The following PLCH1 variants were observed in gnomAD, a reference collection of about 807,000 sequenced individuals.
PLCH1 encodes 1-phosphatidylinositol 4,5-bisphosphate phosphodiesterase eta-1.
In PLCH1, 60 loss-of-function variants were observed where a neutral mutation model predicts 126.7. That is an observed-to-expected ratio of 0.47 (90% confidence interval 0.38 to 0.59). The LOEUF is 0.59. PLCH1 is among the 20% of genes least tolerant of loss of function. The pLI is 0.00. For missense variants in PLCH1, 1,723 were observed against 2,040.0 expected (o/e 0.84, Z 2.99); for synonymous variants, 719 against 734.9 (o/e 0.98, Z 0.35).
intron 21 of PLCH1, among the ~76,000 whole-genome samples, chr3:155,460,020 C>G (rs1560028102): frequency 6.6e-6 from 1 of 152,106 alleles, no homozygotes; most frequent in Non-Finnish European, 1.5e-5. Flanking sequence ...GCCCAGCAAT[C>G]TGTGTTTTAA....
intron 10 of PLCH1, among the ~76,000 whole-genome samples, chr3:155,532,633 T>C (rs1456976889): frequency 6.6e-6 from 1 of 152,194 alleles, no homozygotes; most frequent in African/African-American, 2.4e-5. Flanking sequence ...TCACACTCAC[T>C]CTTCTCTCTC....
At chr3:155,738,477 C>A (rs572052277) in intron 1 of PLCH1, among the ~76,000 whole-genome samples, 1 of 151,888 alleles carries the variant, frequency 6.6e-6, no homozygotes, top group Non-Finnish European at 1.5e-5. Flanking sequence ...CCTGTCTCTA[C>A]AAAATTTCTT....
intron 21 of PLCH1, 101 bp from the exon 22 acceptor site, chr3:155,485,811 A>C: frequency 4.4e-6 from 3 of 687,334 alleles, no homozygotes; most frequent in Non-Finnish European, 7.3e-6. Context: ...ATAAACCAAA[A>C]TCGTACAGCC....
intron 6 of PLCH1, among the ~76,000 whole-genome samples, chr3:155,571,165 G>A (rs1577041400): frequency 6.6e-6 from 1 of 152,216 alleles, no homozygotes; most frequent in East Asian, 1.9e-4. Context: ...GTCAGAAGGG[G>A]TAAACAATTA....
chr3:155,654,528 T>C (rs1225923445), intron 2 of PLCH1, among the ~76,000 whole-genome samples: 3 of 152,096 alleles, frequency 2.0e-5, no homozygotes, highest in African/African-American at 7.2e-5. Context: ...ACATAAACCA[T>C]TTTCTTCCTC....
intron 2 of PLCH1, among the ~76,000 whole-genome samples, chr3:155,650,482 T>C (rs1408394692): frequency 6.6e-6 from 1 of 152,014 alleles, no homozygotes; most frequent in Non-Finnish European, 1.5e-5. Context: ...TCAAAGAAAA[T>C]GTTACTTGGG....
intron 12 of PLCH1, among the ~76,000 whole-genome samples, chr3:155,506,442 G>A (rs1017023465): frequency 1.9e-4 from 29 of 150,240 alleles, no homozygotes; most frequent in African/African-American, 5.9e-4. Context: ...ATGCTGGTGC[G>A]CTGCACCCAC....
At chr3:155,604,032 G>A (rs1734064591) in intron 2 of PLCH1, among the ~76,000 whole-genome samples, 1 of 152,164 alleles carries the variant, frequency 6.6e-6, no homozygotes, top group Admixed American at 6.5e-5. Context: ...CCAGGAGGTT[G>A]AGGCTGCGGT....
intron 7 of PLCH1, among the ~76,000 whole-genome samples, chr3:155,566,331 GTATATATACACATATATATACA>G (rs1728511054): frequency 4.1e-5 from 2 of 49,150 alleles, no homozygotes; most frequent in African/African-American, 4.1e-4. Context: ...ATATATATAC[GTATATATACACATATATATACA>G]TATATATACA....
chr3:155,610,424 A>C (rs969701824), intron 2 of PLCH1, among the ~76,000 whole-genome samples: 1 of 151,288 alleles, frequency 6.6e-6, no homozygotes, highest in African/African-American at 2.4e-5. Context: ...AGATTATCTA[A>C]AGCAAAGGTG....
intron 1 of PLCH1, among the ~76,000 whole-genome samples, chr3:155,718,918 T>A (rs1044505635): frequency 6.6e-6 from 1 of 152,206 alleles, no homozygotes; most frequent in Non-Finnish European, 1.5e-5. Context: ...TTATCATTGT[T>A]CTCTCAATTT....
intron 1 of PLCH1, among the ~76,000 whole-genome samples, chr3:155,711,973 T>C (rs543463532): frequency 6.6e-6 from 1 of 152,342 alleles, no homozygotes; most frequent in South Asian, 2.1e-4. Context: ...CGTGGTAATA[T>C]CATTTGCCAC....
chr3:155,685,120 C>T (rs1386896239), intron 2 of PLCH1, among the ~76,000 whole-genome samples: 1 of 152,110 alleles, frequency 6.6e-6, no homozygotes, highest in East Asian at 1.9e-4. Flanking sequence ...CACCCAGATC[C>T]AAACTCAGAT....
intron 10 of PLCH1, among the ~76,000 whole-genome samples, chr3:155,538,055 G>A (rs554666890): frequency 1.2e-4 from 18 of 152,108 alleles, no homozygotes; most frequent in African/African-American, 4.3e-4. Flanking sequence ...TACTCTCTAG[G>A]ATCACGGTGG....
intron 2 of PLCH1, among the ~76,000 whole-genome samples, chr3:155,608,635 C>A (rs1440358683): frequency 6.6e-6 from 1 of 152,004 alleles, no homozygotes; most frequent in Non-Finnish European, 1.5e-5. Flanking sequence ...CGCAGTGAGG[C>A]AGCCGTAATT....
intron 6 of PLCH1, among the ~76,000 whole-genome samples, chr3:155,576,810 C>A (rs1383647332): frequency 6.6e-6 from 1 of 152,150 alleles, no homozygotes; most frequent in East Asian, 1.9e-4. Context: ...TAAAATAAAT[C>A]TTAACACTAT....
chr3:155,598,599 T>C (rs1050756840), intron 2 of PLCH1, among the ~76,000 whole-genome samples: 2 of 152,204 alleles, frequency 1.3e-5, no homozygotes, highest in African/African-American at 2.4e-5. Flanking sequence ...AAAACATCTA[T>C]ACAGGATACT....
chr3:155,523,136 G>A (rs981802376), intron 11 of PLCH1, among the ~76,000 whole-genome samples: 9 of 151,942 alleles, frequency 5.9e-5, no homozygotes, highest in African/African-American at 1.7e-4. Context: ...CACCACGCCC[G>A]GCTAATTTTT....
intron 2 of PLCH1, among the ~76,000 whole-genome samples, chr3:155,685,605 T>C (rs529534732): frequency 3.8e-4 from 58 of 152,332 alleles, no homozygotes; most frequent in African/African-American, 1.3e-3. Context: ...ATTCAAATCC[T>C]GGTTCTACCA....
Sources: allele counts gnomAD v4.1 joint callset (sites outside exome capture counted in the v4.1 genomes callset), GRCh38; gene constraint gnomAD v4.1.1; transcripts MANE v1.5; gene names NCBI Gene and HGNC (gene_info 2026-07-23, HGNC 2026-07-21).